VAV3: variants seen among roughly 807,000 people sequenced by gnomAD.
The protein encoded by VAV3 is vav guanine nucleotide exchange factor 3.
VAV3 carries 94 observed loss-of-function variants against 131.2 expected under a neutral mutation model. That is an observed-to-expected ratio of 0.72 (90% CI 0.61 to 0.85). The LOEUF is 0.85. Among genes scored for constraint, VAV3 ranks in the 40% least tolerant of loss-of-function variants. VAV3 has a pLI of 0.00. For synonymous variants in VAV3, 349 were observed against 342.0 expected, an observed-to-expected ratio of 1.02 and a Z score of -0.22; for missense variants, 939 against 1,002.7, an observed-to-expected ratio of 0.94 and a Z score of 0.86.
Position 107,848,800 on chromosome 1 carries a change from G to T in VAV3, c.321+26101C>A, listed in dbSNP as rs564251392. Among the ~76,000 whole-genome samples, 7 of 152,280 alleles carry T rather than the reference G, an allele frequency of 4.6e-5. No homozygotes were observed. The South Asian group carries it at 1.5e-3, about 32-fold the overall frequency. ...AGTCAAATTGTCTCTGTTTGCAGAT[G>T]ATATGATCGTATATTTAGAAAATTC... On this transcript the variant is annotated intron_variant, in intron 2 of 26. Transcript: ENST00000370056.
intron 1 of VAV3, among the ~76,000 whole-genome samples, chr1:107,923,963 C>A (rs561951973): frequency 2.9e-4 from 44 of 152,274 alleles, no homozygotes; most frequent in African/African-American, 1.0e-3. Flanking sequence ...GATTTCCCAG[C>A]CTCAAGAACT....
At chr1:107,786,069 C>A (rs1665989042) in intron 2 of VAV3, among the ~76,000 whole-genome samples, 1 of 152,174 alleles carries the variant, frequency 6.6e-6, no homozygotes. Context: ...ATGTCCTTAG[C>A]ACCTCCTCTA....
rs528023754 is a variant in VAV3 at position 107,793,026 on chromosome 1, G to A, written c.322-13534C>T. On this transcript the variant is annotated intron_variant, in intron 2 of 26. Coordinates refer to ENST00000370056, the MANE Select transcript of VAV3 (RefSeq NM_006113.5). ...TTTACCTCACCCAAACAAAAATGAC[G>A]ATAAATAAGTGTCATTATATGTTAT... Among the ~76,000 whole-genome samples the A allele has an allele frequency of 1.9e-3, 285 of 152,080 alleles. 1 individual carries two copies. Among genetic ancestry groups the A allele is most frequent in the Non-Finnish European group, 3.3e-3 (227 of 67,990 alleles).
At chr1:107,669,472 T>C in intron 19 of VAV3, 8 of 1,286,134 alleles carry the variant, frequency 6.2e-6, no homozygotes, top group Non-Finnish European at 8.1e-6. Context: ...ACAGGGCACA[T>C]CTAATAAAGA....
intron 1 of VAV3, among the ~76,000 whole-genome samples, chr1:107,934,861 C>T (rs1673630681): frequency 6.6e-6 from 1 of 152,186 alleles, no homozygotes; most frequent in Non-Finnish European, 1.5e-5. Context: ...AATATAGCGG[C>T]ACAGCGAGGC....
At chr1:107,831,577 C>T (rs2102389802) in intron 2 of VAV3, among the ~76,000 whole-genome samples, 1 of 152,302 alleles carries the variant, frequency 6.6e-6, no homozygotes, top group East Asian at 1.9e-4. Context: ...AATCTCTTAA[C>T]TAGTTTTCTC....
Position 107,634,823 on chromosome 1 carries a change from G to T in VAV3, c.1914+7796C>A, listed in dbSNP as rs188709499. On this transcript the variant is annotated intron_variant, in intron 20 of 26. Coordinates refer to ENST00000370056, the MANE Select transcript of VAV3 (RefSeq NM_006113.5). Reference sequence around the variant, plus strand: ...AAAAAGTGGGCAAAGGATATGAACAGACACTTCTCAAAAGACATTTATGCA... The same window carrying T: ...AAAAAGTGGGCAAAGGATATGAACATACACTTCTCAAAAGACATTTATGCA... Among the ~76,000 whole-genome samples the T allele has an allele frequency of 9.9e-4, 150 of 152,144 alleles. 1 individual carries two copies. Among genetic ancestry groups the T allele is most frequent in the African/African-American group, 3.6e-3 (148 of 41,530 alleles).
chr1:107,714,223 A>G (rs1487056334), intron 15 of VAV3, among the ~76,000 whole-genome samples: 1 of 152,124 alleles, frequency 6.6e-6, no homozygotes, highest in East Asian at 1.9e-4. Flanking sequence ...CGCAAGACAG[A>G]TAATTAAGCT....
intron 1 of VAV3, among the ~76,000 whole-genome samples, chr1:107,944,389 C>A (rs953833171): frequency 1.3e-5 from 2 of 152,140 alleles, no homozygotes; most frequent in Non-Finnish European, 2.9e-5. Flanking sequence ...CATATACATA[C>A]CCAGGTATAT....
At chr1:107,794,746 G>GAGGAGC (rs1370416080) in intron 2 of VAV3, among the ~76,000 whole-genome samples, 2 of 152,144 alleles carry the variant, frequency 1.3e-5, no homozygotes, top group African/African-American at 4.8e-5. Flanking sequence ...GCATTTTTCA[G>GAGGAGC]TCATTAGCTC....
chr1:107,860,841 G>A (rs1257161734), intron 2 of VAV3, among the ~76,000 whole-genome samples: 1 of 151,426 alleles, frequency 6.6e-6, no homozygotes, highest in Non-Finnish European at 1.5e-5. Context: ...GTCCAGCCTG[G>A]GCAACACAGT....
chr1:107,796,528 A>G (rs1313317699), intron 2 of VAV3, among the ~76,000 whole-genome samples: 1 of 152,274 alleles, frequency 6.6e-6, no homozygotes, highest in Middle Eastern at 3.4e-3. Context: ...GACAGGCACT[A>G]TATTTTTTCC....
intron 1 of VAV3, among the ~76,000 whole-genome samples, chr1:107,893,554 T>C (rs1177118040): frequency 6.6e-6 from 1 of 152,088 alleles, no homozygotes; most frequent in African/African-American, 2.4e-5. Flanking sequence ...GCAAGTCATG[T>C]CTTACATGGA....
At chr1:107,710,635 C>A (rs1660733181) in intron 15 of VAV3, among the ~76,000 whole-genome samples, 1 of 152,060 alleles carries the variant, frequency 6.6e-6, no homozygotes, top group African/African-American at 2.4e-5. Context: ...CTTCTATTAA[C>A]CTCTATTATT....
intron 19 of VAV3, among the ~76,000 whole-genome samples, chr1:107,674,956 TA>T (rs2101694288): frequency 6.6e-6 from 1 of 152,308 alleles, no homozygotes; most frequent in South Asian, 2.1e-4. Flanking sequence ...TTCCAGGTCA[TA>T]AGGCCCTCAG....
chr1:107,686,518 C>G (rs1659040164), intron 18 of VAV3, among the ~76,000 whole-genome samples: 1 of 152,098 alleles, frequency 6.6e-6, no homozygotes, highest in Admixed American at 6.5e-5. Flanking sequence ...GTGAACACAC[C>G]TGGTATAGGG....
chr1:107,761,403 AAAAAAAG>A (rs1044107904), intron 9 of VAV3, among the ~76,000 whole-genome samples: 11 of 151,950 alleles, frequency 7.2e-5, no homozygotes, highest in South Asian at 4.1e-4. Flanking sequence ...AAAAAAAAAA[AAAAAAAG>A]AAAAAAGAAA....
intron 25 of VAV3, among the ~76,000 whole-genome samples, chr1:107,582,658 T>C (rs889603717): frequency 3.3e-5 from 5 of 149,668 alleles, no homozygotes; most frequent in South Asian, 2.1e-4. Context: ...TGAGAATATG[T>C]GGTGTTTGGT....
chr1:107,764,082 A>AAAACAAAAAACAAAAAAC (rs1384925637), intron 9 of VAV3, among the ~76,000 whole-genome samples: 6 of 151,844 alleles, frequency 4.0e-5, no homozygotes, highest in African/African-American at 1.5e-4. Context: ...CAGGAAAAAA[A>AAAACAAAAAACAAAAAAC]AAAACAAAAA....
Sources: gnomAD v4.1 joint callset for allele counts (sites outside exome capture counted in the v4.1 genomes callset) on GRCh38, gnomAD v4.1.1 for gene constraint, MANE v1.5 for transcripts, NCBI Gene and HGNC (gene_info 2026-07-23, HGNC 2026-07-21) for gene names.